Variants in SUGCT observed in about 807,000 individuals in gnomAD.
SUGCT encodes the protein succinyl-CoA:glutarate CoA-transferase.
In SUGCT, 41 loss-of-function variants were observed where a neutral mutation model predicts 55.0. The ratio of observed to expected loss-of-function variants is 0.74; its 90% confidence interval spans 0.58 to 0.97. The LOEUF (loss-of-function observed/expected upper bound fraction) is 0.97. Among genes scored for constraint, SUGCT ranks in the 50% least tolerant of loss-of-function variants. The pLI is 0.00. For synonymous variants in SUGCT, 187 were observed against 200.4 expected, an observed-to-expected ratio of 0.93 and a Z score of 0.56; for missense variants, 568 against 547.8, an observed-to-expected ratio of 1.04 and a Z score of -0.37.
At position 40,208,560 on chromosome 7, in the gene SUGCT, CT is replaced by C. The variant is rs879877931; in HGVS notation, c.484+13512del. On this transcript the variant is annotated intron_variant, in intron 6 of 13. Transcript: ENST00000335693. ...TCTCTTGTTCAAGAATAAATTGATT[CT>C]TTTTTTTTTTTCTTGCTCTGTTGCC... is the stretch of plus-strand genomic sequence containing the variant. Among the ~76,000 whole-genome samples, 453 of 146,028 alleles carry C rather than the reference CT, an allele frequency of 3.1e-3. 1 individual carries two copies. Among genetic ancestry groups the C allele is most frequent in the Non-Finnish European group, 4.8e-3 (314 of 66,016 alleles).
chr7:40,253,833 A>C (rs1363032463), intron 7 of SUGCT, among the ~76,000 whole-genome samples: 1 of 152,226 alleles, frequency 6.6e-6, no homozygotes, highest in Non-Finnish European at 1.5e-5. Flanking sequence ...CATGTTTTAA[A>C]ATAACTAGAT....
At chr7:40,202,999 A>G (rs1041866967) in intron 6 of SUGCT, among the ~76,000 whole-genome samples, 12 of 152,198 alleles carry the variant, frequency 7.9e-5, no homozygotes, top group African/African-American at 2.7e-4. Flanking sequence ...TTTCAGACAC[A>G]TGCCACAGGT....
At chr7:40,398,515 C>CTT (rs138325012) in intron 9 of SUGCT, among the ~76,000 whole-genome samples, 1 of 130,934 alleles carries the variant, frequency 7.6e-6, no homozygotes, top group African/African-American at 2.8e-5. Context: ...ACTTTACTGG[C>CTT]TTTTTTTTTT....
At chr7:40,772,976 C>A (rs1789255117) in intron 13 of SUGCT, among the ~76,000 whole-genome samples, 2 of 152,068 alleles carry the variant, frequency 1.3e-5, no homozygotes, top group African/African-American at 2.4e-5. Flanking sequence ...TATAAAACAA[C>A]TTCCTCACTT....
At chr7:40,140,681 G>C (rs970555899) in intron 1 of SUGCT, among the ~76,000 whole-genome samples, 4 of 152,128 alleles carry the variant, frequency 2.6e-5, no homozygotes, top group African/African-American at 9.7e-5. Context: ...TTACAGGCAT[G>C]AGGCACCGCA....
intron 12 of SUGCT, among the ~76,000 whole-genome samples, chr7:40,600,387 T>C (rs1798235018): frequency 6.6e-6 from 1 of 152,218 alleles, no homozygotes; most frequent in Non-Finnish European, 1.5e-5. Context: ...TGTGGCTAGA[T>C]GAATGGGTTA....
the SUGCT span, chr7:40,966,744 T>C: frequency 3.3e-5 from 5 of 152,234 alleles, no homozygotes; most frequent in Admixed American, 2.0e-4. Context: ...ACTCCGTTAA[T>C]GCTTCTATTC....
At chr7:40,177,794 G>C (rs141850409) in intron 1 of SUGCT, among the ~76,000 whole-genome samples, 95 of 152,232 alleles carry the variant, frequency 6.2e-4, no homozygotes, top group African/African-American at 2.2e-3. Flanking sequence ...GTGTTGCCCA[G>C]GCTGGAGTGC....
intron 13 of SUGCT, among the ~76,000 whole-genome samples, chr7:40,815,159 C>T (rs1458968936): frequency 6.6e-6 from 1 of 152,226 alleles, no homozygotes; most frequent in East Asian, 1.9e-4. Context: ...GTGGTCTGAG[C>T]TCCCTCCTCA....
At chr7:40,544,835 G>A (rs958588033) in intron 12 of SUGCT, among the ~76,000 whole-genome samples, 2 of 152,212 alleles carry the variant, frequency 1.3e-5, no homozygotes, top group Non-Finnish European at 2.9e-5. Flanking sequence ...AGAACACATG[G>A]TGTTCGTTAT....
chr7:40,714,261 C>T (rs190917301), intron 12 of SUGCT, among the ~76,000 whole-genome samples: 262 of 152,044 alleles, frequency 1.7e-3, no homozygotes, highest in African/African-American at 6.0e-3. Context: ...ACTCAGGAGG[C>T]GGGTTGCATT....
chr7:40,323,845 C>T (rs1935252837), intron 9 of SUGCT, among the ~76,000 whole-genome samples: 1 of 152,172 alleles, frequency 6.6e-6, no homozygotes, highest in Admixed American at 6.5e-5. Context: ...GATGATCTCC[C>T]TCCCAATCCA....
chr7:40,520,403 C>G (rs1200744358), intron 12 of SUGCT, among the ~76,000 whole-genome samples: 4 of 152,058 alleles, frequency 2.6e-5, no homozygotes, highest in Non-Finnish European at 4.4e-5. Context: ...AGTAAGTCTG[C>G]CCGTGAAGCT....
intron 12 of SUGCT, among the ~76,000 whole-genome samples, chr7:40,563,010 A>G (rs926332857): frequency 1.1e-4 from 16 of 152,164 alleles, no homozygotes; most frequent in Admixed American, 7.8e-4. Flanking sequence ...TCTGTGAGGG[A>G]GGGGTCCAAG....
At chr7:40,681,602 C>T (rs912810525) in intron 12 of SUGCT, among the ~76,000 whole-genome samples, 2 of 152,126 alleles carry the variant, frequency 1.3e-5, no homozygotes, top group African/African-American at 4.8e-5. Context: ...TCCTCAATGG[C>T]TTGCAGGTAA....
At chr7:40,377,196 TTCTTTTCTTTTC>T (rs1562728629) in intron 9 of SUGCT, among the ~76,000 whole-genome samples, 15 of 11,542 alleles carry the variant, frequency 1.3e-3, no homozygotes, top group East Asian at 0.05. Flanking sequence ...CTTTCTTTCT[TTCTTTTCTTTTC>T]TTTTCTTTCT....
chr7:40,919,039 G>A, the SUGCT span, among the ~76,000 whole-genome samples: 1 of 152,202 alleles, frequency 6.6e-6, no homozygotes, highest in African/African-American at 2.4e-5. Context: ...CAGGCATGGA[G>A]CGCCATCCAC....
the SUGCT span, among the ~76,000 whole-genome samples, chr7:40,899,534 C>G: frequency 1.3e-5 from 2 of 152,154 alleles, no homozygotes; most frequent in South Asian, 4.1e-4. Flanking sequence ...AATACAACAA[C>G]AAACAAAACT....
intron 13 of SUGCT, among the ~76,000 whole-genome samples, chr7:40,807,075 G>A (rs1791140123): frequency 1.3e-5 from 2 of 152,184 alleles, no homozygotes; most frequent in Admixed American, 6.5e-5. Flanking sequence ...GATGCTAATT[G>A]GTAATAGCAG....
Sources: allele counts gnomAD v4.1 joint callset (sites outside exome capture counted in the v4.1 genomes callset), GRCh38; gene constraint gnomAD v4.1.1; transcripts MANE v1.5; gene names NCBI Gene and HGNC (gene_info 2026-07-23, HGNC 2026-07-21).